RNF146: variants seen among roughly 807,000 people sequenced by gnomAD.
RNF146 encodes the protein ring finger protein 146, also known as E3 ubiquitin-protein ligase RNF146.
A neutral mutation model predicts 29.7 loss-of-function variants in RNF146; 11 were observed. The observed-to-expected ratio is 0.37, with a 90% CI of 0.23 to 0.61. RNF146 has a LOEUF of 0.61. RNF146 is among the 20% of genes least tolerant of loss of function. RNF146 has a pLI of 0.66. For missense variants in RNF146, 342 were observed against 438.9 expected (o/e 0.78, Z 1.97); for synonymous variants, 150 against 159.7 (o/e 0.94, Z 0.46).
intron 1 of RNF146, among the ~76,000 whole-genome samples, chr6:127,277,491 A>AAT (rs1778371603): frequency 6.6e-6 from 1 of 151,974 alleles, no homozygotes; most frequent in South Asian, 2.1e-4. Context: ...GAACTAATAG[A>AAT]ATATATATAT....
intron 1 of RNF146, among the ~76,000 whole-genome samples, chr6:127,269,198 T>C (rs1417947950): frequency 6.6e-6 from 1 of 152,214 alleles, no homozygotes; most frequent in Non-Finnish European, 1.5e-5. Context: ...TTTCATGGCG[T>C]GTTACCTTTT....
rs535226493 is a variant in RNF146 at position 127,288,437 on chromosome 6, G to A, written c.*744G>A. ...TTTGTGACCAAAGGTCACTTAAAAA[G>A]TGGTGGTTTTAATTGGTTGTTTTCA... is the stretch of plus-strand genomic sequence containing the variant. On this transcript the variant is annotated 3_prime_UTR_variant, in exon 3 of 3. Transcript: ENST00000368314. The A allele has an allele frequency of 6.0e-6, 1 of 166,992 alleles. No homozygotes were observed. The highest frequency in any genetic ancestry group is 1.5e-5 in the Non-Finnish European group (1 of 68,034). The allele number at this position is 166,992 out of a possible 1,614,324, so 10.3% of individuals were successfully genotyped here.
intron 1 of RNF146, among the ~76,000 whole-genome samples, chr6:127,277,823 C>G (rs1778430590): frequency 6.6e-6 from 1 of 152,110 alleles, no homozygotes; most frequent in Admixed American, 6.6e-5. Flanking sequence ...AGGATCAATA[C>G]TTTGTATCCT....
intron 1 of RNF146, among the ~76,000 whole-genome samples, chr6:127,275,820 G>T (rs1778131961): frequency 6.6e-6 from 1 of 152,074 alleles, no homozygotes; most frequent in African/African-American, 2.4e-5. Context: ...AGGGAGGTTT[G>T]CAGGACTATG....
At chr6:127,270,966 C>T (rs1407581269) in intron 1 of RNF146, among the ~76,000 whole-genome samples, 1 of 151,880 alleles carries the variant, frequency 6.6e-6, no homozygotes, top group African/African-American at 2.4e-5. Context: ...CAGGTGTGCG[C>T]CACCATGCCC....
intron 1 of RNF146, among the ~76,000 whole-genome samples, chr6:127,276,328 G>C (rs910069018): frequency 6.6e-6 from 1 of 152,012 alleles, no homozygotes; most frequent in Non-Finnish European, 1.5e-5. Context: ...GATTCCAAAG[G>C]GATTAGGAAT....
rs145822231 is a variant in RNF146, at chr6:127,281,671, T to C, written c.2+1331T>C. 3.3e-5 allele frequency among the ~76,000 whole-genome samples: 5 copies of C among 151,826 alleles called. No individual in the cohort carries two copies. The East Asian group carries it at 9.7e-4, about 30-fold the overall frequency. Reference sequence around the variant, plus strand: ...GGAAGGCAGGGTAGGAGAAAGAGACTTCAAAATAAGTGCAGGGAGTGAACA... The same window carrying C: ...GGAAGGCAGGGTAGGAGAAAGAGACCTCAAAATAAGTGCAGGGAGTGAACA... On this transcript the variant is annotated intron_variant, in intron 2 of 2. Coordinates refer to ENST00000368314, the MANE Select transcript of RNF146 (RefSeq NM_001242850.2).
intron 1 of RNF146, among the ~76,000 whole-genome samples, chr6:127,269,180 T>C (rs753676928): frequency 3.9e-5 from 6 of 152,224 alleles, no homozygotes; most frequent in Non-Finnish European, 8.8e-5. Flanking sequence ...TTACGGACTA[T>C]CTTTAGTTTT....
At position 127,286,103 on chromosome 6, in the gene RNF146, T is replaced by A; in HGVS notation, c.3-513T>A. 1 of 1,229,920 alleles carries A rather than the reference T, an allele frequency of 8.1e-7. No individual in the cohort carries two copies. Among genetic ancestry groups the A allele is most frequent in the African/African-American group, 1.6e-5 (1 of 64,432 alleles). The allele number at this position is 1,229,920 out of a possible 1,614,324, so 76.2% of individuals were successfully genotyped here. On this transcript the variant is annotated intron_variant, in intron 2 of 2. Coordinates refer to ENST00000368314, the MANE Select transcript of RNF146 (RefSeq NM_001242850.2). This position sits in a 1 kb window ranked among gnomAD's most constrained non-coding sequence, Gnocchi z 4.6. ...CCTTTGGTCTTATATGATTGTTACC[T>A]TTATGAAGCTTTAGTGATTACAAAG...
intron 1 of RNF146, among the ~76,000 whole-genome samples, chr6:127,269,938 A>G (rs943983029): frequency 3.4e-5 from 5 of 146,836 alleles, no homozygotes; most frequent in Non-Finnish European, 7.8e-5. Flanking sequence ...TTAGCTGTTA[A>G]TAATTAGAAA....
intron 1 of RNF146, among the ~76,000 whole-genome samples, chr6:127,271,639 T>A (rs1048109642): frequency 1.5e-4 from 23 of 152,296 alleles, no homozygotes; most frequent in South Asian, 2.1e-4. Flanking sequence ...CCAGTCTGAA[T>A]TAAGTTGTGC....
In RNF146 at chr6:127,287,309, T is replaced by C; in HGVS notation, c.696T>C (p.Pro232=). Reference sequence around the variant, plus strand: ...CAGTAGATGGTCAGTTAACAAGCCCTGCAACACCATCCCCTGATGCAAGCA... The same window carrying C: ...CAGTAGATGGTCAGTTAACAAGCCCCGCAACACCATCCCCTGATGCAAGCA... ...LTSVDGQLTS[P]ATPSPDASTS... is the part of the protein sequence containing the mutation. Residue 232 remains proline (P), a synonymous_variant, in exon 3 of 3, where the codon CCT becomes CCC. Coordinates refer to ENST00000368314, the MANE Select transcript of RNF146 (RefSeq NM_001242850.2). 1 of 1,613,470 alleles carries C rather than the reference T, an allele frequency of 6.2e-7. No individual in the cohort carries two copies. Among genetic ancestry groups the C allele is most frequent in the Non-Finnish European group, 8.5e-7 (1 of 1,179,650 alleles).
intron 1 of RNF146, among the ~76,000 whole-genome samples, chr6:127,270,831 T>A (rs1777369777): frequency 6.6e-6 from 1 of 152,016 alleles, no homozygotes; most frequent in Non-Finnish European, 1.5e-5. Context: ...TTTTTTTTTT[T>A]TTTGAGATGG....
chr6:127,273,397 CTT>C (rs538861408), intron 1 of RNF146, among the ~76,000 whole-genome samples: 1 of 152,090 alleles, frequency 6.6e-6, no homozygotes, highest in South Asian at 2.1e-4. Context: ...TTTTGATACA[CTT>C]TAACTTCTTA....
chr6:127,279,377 T>C lies in RNF146; in HGVS notation c.-108-854T>C, dbSNP rs557970704. On this transcript the variant is annotated intron_variant, in intron 1 of 2. Transcript: ENST00000368314. ...CCCAACAACATTAGTTAGAGGTGCC[T>C]GTTTTCCCCCATTGAGTAGACTTGA... Among the ~76,000 whole-genome samples the C allele has an allele frequency of 5.3e-3, 813 of 152,004 alleles. 10 individuals carry two copies. Among genetic ancestry groups the C allele is most frequent in the African/African-American group, 0.018 (766 of 41,530 alleles).
chr6:127,266,914 G>A lies in RNF146; in HGVS notation c.-120G>A, dbSNP rs1411664860. On this transcript the variant is annotated 5_prime_UTR_variant, in exon 1 of 3. The change creates a new upstream start codon in the 5' untranslated region. Transcript: ENST00000368314. ...AAAAGACTGCGAGGTGGCCGCAGCT[G>A]TGGCCGGAGAGGTGGGAGTCGGAGC... The A allele has an allele frequency of 6.6e-6, 1 of 152,326 alleles. No individual in the cohort carries two copies. The allele number at this position is 152,326 out of a possible 1,614,324, so 9.4% of individuals were successfully genotyped here. A position where few individuals can be genotyped will look rare whatever the true frequency, so the allele number is the denominator to read the frequency against.
At chr6:127,280,040 A>T (rs1562285635) in intron 1 of RNF146, among the ~76,000 whole-genome samples, 191 bp from the exon 2 acceptor site, 1 of 151,732 alleles carries the variant, frequency 6.6e-6, no homozygotes, top group Non-Finnish European at 1.5e-5. Context: ...ACCCGTCTGT[A>T]TGCCTTTATC....
chr6:127,283,241 G>A (rs79150701), intron 2 of RNF146, among the ~76,000 whole-genome samples: 3,803 of 151,808 alleles, frequency 0.025, 67 homozygotes, highest in East Asian at 0.1. Flanking sequence ...CAGTAAAAAC[G>A]TCTTTGAAAG....
chr6:127,281,995 T>A (rs1778972603), intron 2 of RNF146, among the ~76,000 whole-genome samples: 1 of 151,728 alleles, frequency 6.6e-6, no homozygotes, highest in South Asian at 2.1e-4. Context: ...GGGAGAAGTT[T>A]TATGATAGTC....
Sources: gnomAD v4.1 joint callset for allele counts (sites outside exome capture counted in the v4.1 genomes callset) on GRCh38, gnomAD v4.1.1 for gene constraint, Gnocchi (gnomAD v3.1) non-coding constraint, MANE v1.5 for transcripts, NCBI Gene and HGNC (gene_info 2026-07-23, HGNC 2026-07-21) for gene names.